SNRPN: variants seen among roughly 807,000 people sequenced by gnomAD.
SNRPN encodes small nuclear ribonucleoprotein-associated protein N.
Under a neutral mutation model 25.2 loss-of-function variants are expected in SNRPN, and 7 were observed. The ratio of observed to expected loss-of-function variants is 0.28; its 90% CI spans 0.16 to 0.52. The LOEUF is 0.52. SNRPN is among the 20% of genes least tolerant of loss of function. SNRPN has a pLI of 0.96. For missense variants in SNRPN, 196 were observed against 322.5 expected (o/e 0.61, Z 3.00); for synonymous variants, 124 against 110.6 (o/e 1.12, Z -0.76).
At chr15:24,977,989 C>G (rs2077260006) in intron 8 of SNRPN, 73 bp downstream of exon 8, 1 of 1,403,366 alleles carries the variant, frequency 7.1e-7, no homozygotes, top group East Asian at 2.3e-5. Flanking sequence ...AAGACACAGC[C>G]TGAGAGCCTA....
chr15:24,890,465 A>G (rs1029579406), intron 2 of SNRPN, among the ~76,000 whole-genome samples: 1 of 152,148 alleles, frequency 6.6e-6, no homozygotes, highest in Non-Finnish European at 1.5e-5. Context: ...TCACGAGGTC[A>G]GGAGTTCAAG....
Position 24,835,017 on chromosome 15 carries a change from T to TA in SNRPN, c.-579+5116dup, listed in dbSNP as rs1181725602. ...TATATATAGTATATATATCTATATA[T>TA]AAAATAGATATATATAGTATATATA... On this transcript the variant is annotated intron_variant, in intron 2 of 12. Transcript: ENST00000400100. 3.1e-5 allele frequency among the ~76,000 whole-genome samples: 2 copies of TA among 64,990 alleles called. 1 individual carries two copies. Among genetic ancestry groups the TA allele is most frequent in the Non-Finnish European group, 6.1e-5 (2 of 32,984 alleles). 42.6% of individuals were successfully genotyped at this position (64,990 alleles called of 152,430 possible).
intron 2 of SNRPN, among the ~76,000 whole-genome samples, chr15:24,893,498 G>C (rs1158780991): frequency 2.6e-5 from 4 of 151,602 alleles, no homozygotes; most frequent in Non-Finnish European, 5.9e-5. Context: ...TGCTCCTGTA[G>C]TCCCAGCTAC....
chr15:24,908,661 C>A (rs2059010988), intron 2 of SNRPN, among the ~76,000 whole-genome samples: 2 of 150,960 alleles, frequency 1.3e-5, no homozygotes, highest in African/African-American at 4.9e-5. Context: ...AGGGAGAAGG[C>A]CGGAGTAACT....
At chr15:24,846,917 A>ATG (rs2052255304) in intron 2 of SNRPN, among the ~76,000 whole-genome samples, 1 of 152,160 alleles carries the variant, frequency 6.6e-6, no homozygotes, top group Non-Finnish European at 1.5e-5. Flanking sequence ...GAAAAAACAA[A>ATG]TGTGCGGGAT....
intron 3 of SNRPN, among the ~76,000 whole-genome samples, chr15:24,946,569 A>G (rs1031981397): frequency 6.6e-6 from 1 of 152,136 alleles, no homozygotes; most frequent in African/African-American, 2.4e-5. Context: ...TCCTGTGCTC[A>G]AGCAATTTTC....
chr15:24,876,141 G>T (rs898810055), intron 1 of SNRPN, among the ~76,000 whole-genome samples: 1 of 152,042 alleles, frequency 6.6e-6, no homozygotes. Flanking sequence ...ACTTATGCAG[G>T]TTCAAATCTT....
intron 2 of SNRPN, among the ~76,000 whole-genome samples, chr15:24,887,674 G>T (rs1297997000): frequency 6.6e-6 from 1 of 152,148 alleles, no homozygotes; most frequent in Non-Finnish European, 1.5e-5. Flanking sequence ...AACTATAGGT[G>T]GAATAGCTGC....
At chr15:24,926,727 AGGT>A (rs2060408239) in intron 3 of SNRPN, among the ~76,000 whole-genome samples, 1 of 152,072 alleles carries the variant, frequency 6.6e-6, no homozygotes. Context: ...TATTAGTAGC[AGGT>A]GTGCTGGCTC....
At chr15:24,831,602 C>G (rs1595344616) in intron 2 of SNRPN, among the ~76,000 whole-genome samples, 1 of 151,824 alleles carries the variant, frequency 6.6e-6, no homozygotes, top group Non-Finnish European at 1.5e-5. Flanking sequence ...AATTTTGTAC[C>G]CATTCACAAT....
intron 1 of SNRPN, among the ~76,000 whole-genome samples, chr15:24,826,362 A>C (rs890307435): frequency 2.6e-5 from 4 of 152,088 alleles, no homozygotes; most frequent in Admixed American, 6.5e-5. Flanking sequence ...AACTCTCTTG[A>C]AGCAATAACA....
At chr15:24,907,227 C>T (rs766182550) in intron 2 of SNRPN, among the ~76,000 whole-genome samples, 6 of 152,094 alleles carry the variant, frequency 3.9e-5, no homozygotes, top group Non-Finnish European at 7.4e-5. Flanking sequence ...ATAATACCTA[C>T]GGAGGAAGGA....
chr15:24,864,347 T>C (rs142674041), intron 1 of SNRPN, among the ~76,000 whole-genome samples: 57,626 of 140,796 alleles, frequency 0.41, 12,173 homozygotes, highest in Middle Eastern at 0.56. Flanking sequence ...TTCTTTTTTT[T>C]TTTTTTTTTT....
intron 3 of SNRPN, among the ~76,000 whole-genome samples, chr15:24,944,121 T>C (rs1025146108): frequency 5.3e-5 from 8 of 152,202 alleles, no homozygotes; most frequent in African/African-American, 1.9e-4. Context: ...CACACCTGGC[T>C]GCATCATTGG....
chr15:24,903,916 C>T (rs946568088), intron 2 of SNRPN, among the ~76,000 whole-genome samples: 1 of 151,888 alleles, frequency 6.6e-6, no homozygotes, highest in African/African-American at 2.4e-5. Flanking sequence ...CGCCTGTGGT[C>T]CCAGGTATTT....
chr15:24,969,685 A>G (rs1258395247), intron 3 of SNRPN, among the ~76,000 whole-genome samples: 1 of 152,214 alleles, frequency 6.6e-6, no homozygotes, highest in Non-Finnish European at 1.5e-5. Flanking sequence ...TAAGTCATAC[A>G]TTATAGTCTG....
chr15:24,933,253 C>T (rs899309414), intron 3 of SNRPN, among the ~76,000 whole-genome samples: 1 of 151,982 alleles, frequency 6.6e-6, no homozygotes, highest in South Asian at 2.1e-4. Context: ...GAATGAGACC[C>T]TGTCTCAAAA....
chr15:24,951,699 G>A (rs1434545807), upstream of SNRPN, among the ~76,000 whole-genome samples: 1 of 151,908 alleles, frequency 6.6e-6, no homozygotes, highest in Non-Finnish European at 1.5e-5. Context: ...ATAAAGACGG[G>A]GTTTCACCAC....
chr15:24,829,939 G>C (rs1480138984), intron 2 of SNRPN: 1 of 152,196 alleles, frequency 6.6e-6, no homozygotes, highest in Non-Finnish European at 1.5e-5. Context: ...AGGGACCCCA[G>C]GGAAGCTACA....
Sources: gnomAD v4.1 joint callset for allele counts (sites outside exome capture counted in the v4.1 genomes callset) on GRCh38, gnomAD v4.1.1 for gene constraint, MANE v1.5 for transcripts, NCBI Gene and HGNC (gene_info 2026-07-23, HGNC 2026-07-21) for gene names.